The following VOPP1 variants were observed in gnomAD, a reference collection of about 807,000 sequenced individuals.
VOPP1 encodes the protein VOPP1 WW domain binding protein.
Under a neutral mutation model 23.5 loss-of-function variants are expected in VOPP1, and 8 were observed. That is an observed-to-expected ratio of 0.34 (90% CI 0.20 to 0.61). The LOEUF is 0.61. Among genes scored for constraint, VOPP1 ranks in the 20% least tolerant of loss-of-function variants. The probability of loss-of-function intolerance (pLI) is 0.78; values close to 1 mark genes in which losing one functional copy is unlikely to be tolerated. For synonymous variants in VOPP1, 83 were observed against 97.3 expected (o/e 0.85, Z 0.86); for missense variants, 174 against 238.1 (o/e 0.73, Z 1.77).
intron 1 of VOPP1, among the ~76,000 whole-genome samples, chr7:55,531,349 A>AT (rs1159313103): frequency 1.3e-4 from 11 of 81,810 alleles, no homozygotes; most frequent in East Asian, 8.6e-4. Flanking sequence ...CCTAATCCAG[A>AT]ATTTTTTTTT....
Position 55,561,743 on chromosome 7 carries a change from T to C in VOPP1, c.54+10528A>G, listed in dbSNP as rs571158049. On this transcript the variant is annotated intron_variant, in intron 1 of 4. Transcript: ENST00000285279. Reference sequence around the variant, plus strand: ...AAGAAGAATTCACAGACTGCTCCCCTCTTCCAAAAAAAAAAAAAAACAAAC... The same window carrying C: ...AAGAAGAATTCACAGACTGCTCCCCCCTTCCAAAAAAAAAAAAAAACAAAC... The C allele has an allele frequency of 9.6e-3, 4,239 of 441,580 alleles. 43 individuals carry two copies. Among genetic ancestry groups the C allele is most frequent in the Middle Eastern group, 0.02 (32 of 1,622 alleles). 27.4% of individuals were successfully genotyped at this position (441,580 alleles called of 1,614,324 possible).
At chr7:55,567,260 C>G (rs935549818) in intron 1 of VOPP1, among the ~76,000 whole-genome samples, 1 of 152,210 alleles carries the variant, frequency 6.6e-6, no homozygotes, top group Non-Finnish European at 1.5e-5. Context: ...ATCAATAAAT[C>G]AGAGCAAAAC....
At chr7:55,496,790 AGTAAAGT>A (rs1793983956) in intron 3 of VOPP1, among the ~76,000 whole-genome samples, 1 of 152,264 alleles carries the variant, frequency 6.6e-6, no homozygotes, top group Non-Finnish European at 1.5e-5. Context: ...TCAAAAGGTC[AGTAAAGT>A]CAAAATCTTA....
chr7:55,458,485 G>A (rs1791421897), intron 4 of VOPP1, among the ~76,000 whole-genome samples: 1 of 152,032 alleles, frequency 6.6e-6, no homozygotes, highest in African/African-American at 2.4e-5. Context: ...GATAGAGATT[G>A]CTTTGAATCA....
intron 4 of VOPP1, among the ~76,000 whole-genome samples, chr7:55,478,025 C>T (rs980845738): frequency 6.6e-5 from 10 of 152,184 alleles, no homozygotes; most frequent in Non-Finnish European, 1.5e-4. Flanking sequence ...GCCATGCTTA[C>T]CATTCAGGCT....
chr7:55,537,473 C>A, intron 1 of VOPP1: 3 of 1,536,094 alleles, frequency 2.0e-6, no homozygotes, highest in Non-Finnish European at 2.6e-6. Flanking sequence ...GGCTTCACAG[C>A]AAACTGAACC....
chr7:55,487,064 T>G (rs1793199343), intron 4 of VOPP1, among the ~76,000 whole-genome samples: 1 of 152,230 alleles, frequency 6.6e-6, no homozygotes, highest in South Asian at 2.1e-4. Flanking sequence ...TGACGCTTAT[T>G]CCACCAGTTC....
chr7:55,438,117 G>A (rs1341807478), intron 4 of VOPP1, among the ~76,000 whole-genome samples: 1 of 152,070 alleles, frequency 6.6e-6, no homozygotes. Flanking sequence ...TGGCCAGGCT[G>A]ATCTTGAACT....
At chr7:55,549,354 C>T (rs1797502950) in intron 1 of VOPP1, among the ~76,000 whole-genome samples, 1 of 152,180 alleles carries the variant, frequency 6.6e-6, no homozygotes, top group Non-Finnish European at 1.5e-5. Context: ...CTCCCTTGAA[C>T]TAGGCAGACT....
intron 1 of VOPP1, chr7:55,552,507 G>T: frequency 7.5e-7 from 1 of 1,333,708 alleles, no homozygotes; most frequent in Admixed American, 2.0e-5. Flanking sequence ...ACACAGGATG[G>T]ATCTCCATGC....
At chr7:55,486,552 T>C (rs540530777) in intron 4 of VOPP1, among the ~76,000 whole-genome samples, 56 of 152,244 alleles carry the variant, frequency 3.7e-4, no homozygotes, top group Admixed American at 3.4e-3. Flanking sequence ...TGGAAACACA[T>C]TCCTGCTGGT....
At chr7:55,441,298 G>A (rs1790958853) in intron 4 of VOPP1, among the ~76,000 whole-genome samples, 1 of 152,162 alleles carries the variant, frequency 6.6e-6, no homozygotes, top group Admixed American at 6.5e-5. Context: ...AAACCAAAAA[G>A]CCTTGCCCCT....
intron 1 of VOPP1, among the ~76,000 whole-genome samples, chr7:55,549,461 C>A (rs921351556): frequency 1.3e-5 from 2 of 152,180 alleles, no homozygotes; most frequent in Admixed American, 6.5e-5. Flanking sequence ...ACCAAGTGAA[C>A]CTGAAACACT....
At chr7:55,514,876 G>T (rs1029526875) in intron 2 of VOPP1, among the ~76,000 whole-genome samples, 1 of 152,228 alleles carries the variant, frequency 6.6e-6, no homozygotes, top group Non-Finnish European at 1.5e-5. Context: ...TGCAAAGGTA[G>T]ATGCAAAGAA....
intron 1 of VOPP1, chr7:55,552,730 G>C: frequency 6.5e-7 from 1 of 1,534,840 alleles, no homozygotes; most frequent in Non-Finnish European, 8.7e-7. Flanking sequence ...GAGTCTGGTC[G>C]CCAGGTTGCC....
chr7:55,516,150 A>C, intron 2 of VOPP1: 1 of 312,572 alleles, frequency 3.2e-6, no homozygotes, highest in Non-Finnish European at 4.7e-6. Flanking sequence ...CCCTGAACCA[A>C]AGCACAGAAA....
At chr7:55,547,944 A>G (rs1271004241) in intron 1 of VOPP1, among the ~76,000 whole-genome samples, 1 of 152,174 alleles carries the variant, frequency 6.6e-6, no homozygotes, top group Non-Finnish European at 1.5e-5. Flanking sequence ...TTCTCTTAAA[A>G]GCACACCAGC....
At chr7:55,533,582 C>T (rs1796613286) in intron 1 of VOPP1, among the ~76,000 whole-genome samples, 1 of 152,140 alleles carries the variant, frequency 6.6e-6, no homozygotes, top group Admixed American at 6.5e-5. Flanking sequence ...ACCTTCCGGA[C>T]CTAGGGTCTC....
intron 3 of VOPP1, chr7:55,492,719 T>C (rs1793672485): frequency 3.7e-6 from 1 of 267,098 alleles, no homozygotes; most frequent in African/African-American, 2.2e-5. Flanking sequence ...AAAAAGCTCA[T>C]GCAGTCACTT....
Sources: allele counts gnomAD v4.1 joint callset (sites outside exome capture counted in the v4.1 genomes callset), GRCh38; gene constraint gnomAD v4.1.1; transcripts MANE v1.5; gene names NCBI Gene and HGNC (gene_info 2026-07-23, HGNC 2026-07-21).